Variants in PRKCB observed in about 807,000 individuals in gnomAD.
PRKCB encodes protein kinase C beta type.
A neutral mutation model predicts 81.5 loss-of-function variants in PRKCB; 13 were observed. The observed-to-expected ratio is 0.16, with a 90% confidence interval of 0.10 to 0.25. The LOEUF (loss-of-function observed/expected upper bound fraction) is 0.25. Ranked by LOEUF, PRKCB falls within the 10% of genes least tolerant of loss-of-function variation. The pLI is 1.00. For synonymous variants in PRKCB, 335 were observed against 321.4 expected, an observed-to-expected ratio of 1.04 and a Z score of -0.45; for missense variants, 509 against 875.7, an observed-to-expected ratio of 0.58 and a Z score of 5.29.
At chr16:23,938,382 A>T (rs1964090746) in intron 2 of PRKCB, among the ~76,000 whole-genome samples, 1 of 152,248 alleles carries the variant, frequency 6.6e-6, no homozygotes, top group Admixed American at 6.5e-5. Context: ...TCTGATTGAG[A>T]GCAGATCCAA....
intron 10 of PRKCB, among the ~76,000 whole-genome samples, chr16:24,160,421 A>G (rs1373889870): frequency 1.3e-5 from 2 of 152,102 alleles, no homozygotes; most frequent in Non-Finnish European, 2.9e-5. Context: ...ATTTTCTAGC[A>G]TTGCATGGCC....
chr16:23,994,086 G>A (rs1046885260), intron 3 of PRKCB, among the ~76,000 whole-genome samples: 3 of 152,144 alleles, frequency 2.0e-5, no homozygotes, highest in African/African-American at 7.2e-5. Flanking sequence ...TCCCAGCCTT[G>A]CCCAAAGGGA....
At chr16:24,000,145 T>G (rs1965013038) in intron 3 of PRKCB, among the ~76,000 whole-genome samples, 1 of 152,206 alleles carries the variant, frequency 6.6e-6, no homozygotes. Context: ...TAGATTCCAG[T>G]GCCTCATTGG....
chr16:23,846,700 C>T (rs1051611771), intron 2 of PRKCB, among the ~76,000 whole-genome samples: 1 of 150,496 alleles, frequency 6.6e-6, no homozygotes, highest in Non-Finnish European at 1.5e-5. Flanking sequence ...TAATGTTGAG[C>T]CTGGTTCTGT....
At chr16:24,159,993 A>G (rs1432243007) in intron 10 of PRKCB, among the ~76,000 whole-genome samples, 1 of 151,998 alleles carries the variant, frequency 6.6e-6, no homozygotes, top group Non-Finnish European at 1.5e-5. Flanking sequence ...TCAAAAAATA[A>G]AATAAAATAA....
rs1462336288 is a variant in PRKCB, at chr16:24,217,722, C to T, written c.*2906C>T. 1.0e-6 allele frequency: 1 copy of T among 985,282 alleles called. No homozygotes were observed. Among genetic ancestry groups the T allele is most frequent in the African/African-American group, 1.7e-5 (1 of 57,200 alleles). 61.0% of individuals were successfully genotyped at this position (985,282 alleles called of 1,614,324 possible). On this transcript the variant is annotated 3_prime_UTR_variant, in exon 17 of 17. Coordinates refer to ENST00000643927, the MANE Select transcript of PRKCB (RefSeq NM_002738.7). Reference sequence around the variant, plus strand: ...AGAAGGGAATCTTTGATAAGAGGCCCACAGGCAGGGAAAGCGAAATAGGGT... The same window carrying T: ...AGAAGGGAATCTTTGATAAGAGGCCTACAGGCAGGGAAAGCGAAATAGGGT...
At position 23,836,217 on chromosome 16, in the gene PRKCB, G is replaced by A; in HGVS notation, c.42G>A (p.Glu14=). The change falls in exon 1 of 17, where the codon GAG becomes GAA. Residue 14 remains glutamate, a synonymous_variant. Coordinates refer to ENST00000643927, the MANE Select transcript of PRKCB (RefSeq NM_002738.7). The stretch of plus-strand genomic sequence containing the variant: ...CGGGGCCGCCGCCGAGCGAGGGCGA[G>A]GAGAGCACCGTGCGCTTCGCCCGCA... ...PAAGPPPSEG[E]ESTVRFARKG... 6.3e-7 allele frequency: 1 copy of A among 1,595,004 alleles called. No homozygotes were observed. The highest frequency in any genetic ancestry group is 1.1e-5 in the South Asian group (1 of 90,302).
Position 24,125,474 on chromosome 16 carries a change from C to T in PRKCB, c.1065+1493C>T, listed in dbSNP as rs146777285. Among the ~76,000 whole-genome samples the T allele has an allele frequency of 3.9e-3, 593 of 152,350 alleles. 2 individuals carry two copies. Among genetic ancestry groups the T allele is most frequent in the Non-Finnish European group, 6.5e-3 (443 of 68,030 alleles). On this transcript the variant is annotated intron_variant, in intron 9 of 16. Transcript: ENST00000643927. ...CTCCTTTTGCTGTTTGCAAGGCCGG[C>T]TGCTTCCTGCAATTCACATCTCAAC...
At chr16:24,118,085 T>C (rs151109535) in intron 8 of PRKCB, among the ~76,000 whole-genome samples, 1 of 152,338 alleles carries the variant, frequency 6.6e-6, no homozygotes, top group Non-Finnish European at 1.5e-5. Flanking sequence ...ACACCAGCGA[T>C]TGTACCTGTG....
intron 2 of PRKCB, among the ~76,000 whole-genome samples, chr16:23,951,208 G>A (rs1349782003): frequency 2.0e-5 from 3 of 152,174 alleles, no homozygotes; most frequent in South Asian, 4.1e-4. Context: ...TGCATCCAGG[G>A]TGCTCTACTA....
intron 2 of PRKCB, among the ~76,000 whole-genome samples, chr16:23,971,651 G>T (rs981431153): frequency 1.3e-5 from 2 of 152,132 alleles, no homozygotes; most frequent in African/African-American, 2.4e-5. Flanking sequence ...CCCCCGCGAG[G>T]TTGCCCATCT....
chr16:23,967,341 G>A (rs56329859), intron 2 of PRKCB, among the ~76,000 whole-genome samples: 62,710 of 152,100 alleles, frequency 0.41, 13,290 homozygotes, highest in East Asian at 0.49. Flanking sequence ...GATGGAAGCA[G>A]CTTCCTCATA....
At chr16:23,956,131 AT>A (rs975834307) in intron 2 of PRKCB, among the ~76,000 whole-genome samples, 2 of 151,908 alleles carry the variant, frequency 1.3e-5, no homozygotes, top group Middle Eastern at 3.4e-3. Flanking sequence ...TTTTTTTATA[AT>A]TTTTTTTGAG....
At chr16:24,169,982 A>G (rs1464851185) in intron 10 of PRKCB, among the ~76,000 whole-genome samples, 3 of 152,232 alleles carry the variant, frequency 2.0e-5, no homozygotes, top group East Asian at 1.9e-4. Context: ...GGGTTTCACT[A>G]TGTTAGCCAG....
intron 2 of PRKCB, among the ~76,000 whole-genome samples, chr16:23,841,516 C>T (rs1171571740): frequency 6.6e-6 from 1 of 152,036 alleles, no homozygotes; most frequent in African/African-American, 2.4e-5. Flanking sequence ...GAGACAGGGT[C>T]TCACTGTGTG....
chr16:23,987,437 TG>T (rs1313587854), intron 2 of PRKCB, among the ~76,000 whole-genome samples: 1 of 151,660 alleles, frequency 6.6e-6, no homozygotes, highest in African/African-American at 2.4e-5. Flanking sequence ...ATCCCTGTGG[TG>T]TCATTTAATA....
chr16:24,159,961 A>G (rs562650159), intron 10 of PRKCB, among the ~76,000 whole-genome samples: 10 of 152,242 alleles, frequency 6.6e-5, no homozygotes, highest in African/African-American at 2.4e-4. Context: ...CTCCAGCCTG[A>G]GCTACAGACT....
intron 2 of PRKCB, among the ~76,000 whole-genome samples, chr16:23,972,701 T>G (rs1596492892): frequency 1.3e-5 from 2 of 152,282 alleles, no homozygotes; most frequent in South Asian, 4.1e-4. Context: ...ATGAAAATGT[T>G]TAGCCTGGTG....
At chr16:23,965,032 G>C (rs1288344358) in intron 2 of PRKCB, among the ~76,000 whole-genome samples, 5 of 152,108 alleles carry the variant, frequency 3.3e-5, no homozygotes, top group Non-Finnish European at 7.4e-5. Context: ...AGGTTCAGGG[G>C]GTACATGTAC....
Sources: gnomAD v4.1 joint callset for allele counts (sites outside exome capture counted in the v4.1 genomes callset) on GRCh38, gnomAD v4.1.1 for gene constraint, MANE v1.5 for transcripts, NCBI Gene and HGNC (gene_info 2026-07-23, HGNC 2026-07-21) for gene names.